SEMA6D: variants seen among roughly 807,000 people sequenced by gnomAD.
SEMA6D encodes semaphorin-6D.
In SEMA6D, 35 loss-of-function variants were observed where a neutral mutation model predicts 106.6. The observed-to-expected ratio is 0.33, with a 90% CI of 0.25 to 0.44. SEMA6D has a LOEUF of 0.44. SEMA6D is among the 20% of genes least tolerant of loss of function. The pLI is 1.00. For synonymous variants in SEMA6D, 499 were observed against 487.7 expected, an observed-to-expected ratio of 1.02 and a Z score of -0.31; for missense variants, 1,185 against 1,345.9, an observed-to-expected ratio of 0.88 and a Z score of 1.87.
At chr15:47,398,980 T>C (rs1308513740) in intron 1 of SEMA6D, among the ~76,000 whole-genome samples, 4 of 152,142 alleles carry the variant, frequency 2.6e-5, no homozygotes, top group African/African-American at 9.7e-5. Context: ...CAGAATACAT[T>C]ACTGAAATAC....
chr15:47,726,221 C>T (rs1192935445), intron 1 of SEMA6D, among the ~76,000 whole-genome samples: 1 of 152,270 alleles, frequency 6.6e-6, no homozygotes, highest in African/African-American at 2.4e-5. Context: ...TACCATGTGC[C>T]ATGGCACAGT....
At chr15:47,667,020 C>T (rs910556990) in intron 4 of SEMA6D, among the ~76,000 whole-genome samples, 2 of 152,090 alleles carry the variant, frequency 1.3e-5, no homozygotes, top group African/African-American at 4.8e-5. Context: ...CCCACCCATC[C>T]AGCATATGAG....
chr15:47,350,094 T>C (rs1036439275), intron 1 of SEMA6D, among the ~76,000 whole-genome samples: 31 of 152,336 alleles, frequency 2.0e-4, no homozygotes, highest in African/African-American at 7.2e-4. Context: ...TGTGGTCCCA[T>C]AAGTGTTTTC....
chr15:47,281,568 G>A (rs534776907), intron 1 of SEMA6D, among the ~76,000 whole-genome samples: 52 of 151,664 alleles, frequency 3.4e-4, no homozygotes, highest in South Asian at 8.3e-4. Context: ...TGATCCTGTC[G>A]TTATGATGTT....
intron 9 of SEMA6D, 114 bp downstream of exon 9, chr15:47,763,218 C>T: frequency 1.4e-6 from 1 of 701,366 alleles, no homozygotes; most frequent in South Asian, 2.1e-5. Flanking sequence ...ATTCAGTATA[C>T]ATAGGGCCAA....
At chr15:47,454,521 T>TG (rs376194967) in intron 2 of SEMA6D, among the ~76,000 whole-genome samples, 180 of 151,922 alleles carry the variant, frequency 1.2e-3, no homozygotes, top group African/African-American at 4.2e-3. Flanking sequence ...AGATGGGCAC[T>TG]GGAGGTGAAA....
chr15:47,386,648 T>C (rs1294562867), intron 1 of SEMA6D, among the ~76,000 whole-genome samples: 1 of 152,164 alleles, frequency 6.6e-6, no homozygotes, highest in Non-Finnish European at 1.5e-5. Flanking sequence ...TTTTACCTGC[T>C]CAGGCATTGG....
At chr15:47,765,422 C>T (rs537052) in intron 13 of SEMA6D, 614,782 of 1,024,508 alleles carry the variant, frequency 0.6, 185,791 homozygotes, top group East Asian at 0.76. Flanking sequence ...ACACAGAATG[C>T]AGTACTAGTT....
At chr15:47,690,422 G>C (rs1410771483) in intron 4 of SEMA6D, among the ~76,000 whole-genome samples, 1 of 152,126 alleles carries the variant, frequency 6.6e-6, no homozygotes, top group Non-Finnish European at 1.5e-5. Flanking sequence ...TTCCTTTCTT[G>C]ATTTCAGACT....
chr15:47,632,504 T>A lies in SEMA6D; in HGVS notation c.-55+31608T>A, dbSNP rs2077310908. Reference sequence around the variant, plus strand: ...TATGTACACATTTATAATCATTATGTCTTCCTGAAGAATTAATCTCTCTTT... The same window carrying A: ...TATGTACACATTTATAATCATTATGACTTCCTGAAGAATTAATCTCTCTTT... On this transcript the variant is annotated intron_variant, in intron 4 of 19. Coordinates refer to the SEMA6D transcript ENST00000558014. Among the ~76,000 whole-genome samples the A allele has an allele frequency of 2.7e-5, 4 of 149,108 alleles. No homozygotes were observed. In the South Asian group the frequency reaches 9.0e-4, roughly 34 times the overall value.
intron 4 of SEMA6D, among the ~76,000 whole-genome samples, chr15:47,700,526 A>T (rs1343911956): frequency 2.6e-5 from 4 of 152,132 alleles, no homozygotes; most frequent in Non-Finnish European, 4.4e-5. Flanking sequence ...ACAAAGCAAG[A>T]TCCTTTCTCT....
chr15:47,231,093 C>T (rs942537640), intron 1 of SEMA6D, among the ~76,000 whole-genome samples: 7 of 151,968 alleles, frequency 4.6e-5, no homozygotes, highest in African/African-American at 1.7e-4. Context: ...TCCTCCTCCC[C>T]TCTTCCTCCT....
At chr15:47,768,782 C>T (rs373360914) in intron 18 of SEMA6D, 34 bp downstream of exon 18, 20 of 1,585,514 alleles carry the variant, frequency 1.3e-5, no homozygotes, top group Middle Eastern at 1.7e-4. Flanking sequence ...TCTCTAACTG[C>T]GTGGAAACCT....
chr15:47,311,576 G>T (rs1036993006), intron 1 of SEMA6D, among the ~76,000 whole-genome samples: 1 of 152,034 alleles, frequency 6.6e-6, no homozygotes, highest in African/African-American at 2.4e-5. Context: ...GAAGTAAAGG[G>T]TGTATTTCCA....
intron 1 of SEMA6D, among the ~76,000 whole-genome samples, chr15:47,385,045 A>AT (rs374354563): frequency 0.081 from 7,613 of 94,324 alleles, 323 homozygotes; most frequent in South Asian, 0.15. Flanking sequence ...CTGGACTGTA[A>AT]TTTTTTTTTT....
rs144084379 is a variant in SEMA6D, at chr15:47,326,507, C to T, written c.-238-85886C>T. Among the ~76,000 whole-genome samples, 305 of 152,312 alleles carry T rather than the reference C, an allele frequency of 2.0e-3. 1 individual carries two copies. Among genetic ancestry groups the T allele is most frequent in the African/African-American group, 6.9e-3 (286 of 41,570 alleles). On this transcript the variant is annotated intron_variant, in intron 1 of 19. Coordinates refer to the SEMA6D transcript ENST00000558014. The stretch of plus-strand genomic sequence containing the variant: ...AAATGTGAAGCACATCTTTCTCTTC[C>T]TCCATTCTCAAAATTTGCTTATTAG...
At chr15:47,548,320 C>T (rs1308595653) in intron 3 of SEMA6D, among the ~76,000 whole-genome samples, 1 of 152,144 alleles carries the variant, frequency 6.6e-6, no homozygotes, top group Non-Finnish European at 1.5e-5. Context: ...GCTGAGGGGA[C>T]TGCTGGTTGT....
chr15:47,192,833 T>C (rs1595719725), intron 1 of SEMA6D, among the ~76,000 whole-genome samples: 1 of 152,320 alleles, frequency 6.6e-6, no homozygotes, highest in East Asian at 1.9e-4. Flanking sequence ...ACAGAAAATG[T>C]CTACTGAATA....
At chr15:47,406,412 A>G (rs2040570122) in intron 1 of SEMA6D, among the ~76,000 whole-genome samples, 1 of 152,230 alleles carries the variant, frequency 6.6e-6, no homozygotes, top group Non-Finnish European at 1.5e-5. Context: ...TAATAGCTCT[A>G]CTGAGTAGTG....
Sources: allele counts gnomAD v4.1 joint callset (sites outside exome capture counted in the v4.1 genomes callset), GRCh38; gene constraint gnomAD v4.1.1; transcripts MANE v1.5; gene names NCBI Gene and HGNC (gene_info 2026-07-23, HGNC 2026-07-21).